PELI2: variants seen among roughly 807,000 people sequenced by gnomAD.
PELI2 encodes E3 ubiquitin-protein ligase pellino homolog 2.
PELI2 carries 23 observed loss-of-function variants against 42.3 expected under a neutral mutation model. The ratio of observed to expected loss-of-function variants is 0.54; its 90% CI spans 0.39 to 0.77. The LOEUF (loss-of-function observed/expected upper bound fraction) is 0.77. PELI2 is among the 30% of genes least tolerant of loss of function. The pLI, the probability that PELI2 is intolerant of heterozygous loss-of-function variation, is 0.00. For missense variants in PELI2, 463 were observed against 553.2 expected, an observed-to-expected ratio of 0.84 and a Z score of 1.64; for synonymous variants, 245 against 212.2, an observed-to-expected ratio of 1.15 and a Z score of -1.34.
intron 1 of PELI2, among the ~76,000 whole-genome samples, chr14:56,164,681 A>G (rs908455965): frequency 6.6e-6 from 1 of 151,952 alleles, no homozygotes; most frequent in African/African-American, 2.4e-5. Flanking sequence ...GCTTTTCTTT[A>G]CTGGGAGACT....
intron 2 of PELI2, among the ~76,000 whole-genome samples, chr14:56,274,554 G>A (rs532095124): frequency 2.6e-5 from 4 of 152,038 alleles, no homozygotes; most frequent in Admixed American, 6.5e-5. Flanking sequence ...GTGCCTTTAC[G>A]TGTGTATATG....
chr14:56,274,951 A>G (rs976949067), intron 2 of PELI2, among the ~76,000 whole-genome samples: 1 of 152,178 alleles, frequency 6.6e-6, no homozygotes, highest in African/African-American at 2.4e-5. Context: ...GACTCAAAAC[A>G]TTTGAGCTGA....
chr14:56,142,775 GA>G (rs60045907), intron 1 of PELI2, among the ~76,000 whole-genome samples: 11 of 151,598 alleles, frequency 7.3e-5, no homozygotes, highest in Admixed American at 1.3e-4. Context: ...TAAAAAAGAT[GA>G]AAAAAACTAC....
At chr14:56,168,814 C>A (rs1462826519) in intron 1 of PELI2, among the ~76,000 whole-genome samples, 1 of 152,112 alleles carries the variant, frequency 6.6e-6, no homozygotes, top group African/African-American at 2.4e-5. Context: ...TCACCAGAAG[C>A]CACCAAGGCC....
rs4038318 is a variant in PELI2 at position 56,197,969 on chromosome 14, G to GACACACACACACAC, written c.207+19536_207+19549dup. Among the ~76,000 whole-genome samples the GACACACACACACAC allele has an allele frequency of 3.1e-5, 4 of 129,702 alleles. No individual in the cohort carries two copies. Among genetic ancestry groups the GACACACACACACAC allele is most frequent in the African/African-American group, 1.3e-4 (4 of 31,802 alleles). 85.1% of individuals were successfully genotyped at this position (129,702 alleles called of 152,430 possible). A position where few individuals can be genotyped will look rare whatever the true frequency, so the allele number is the denominator to read the frequency against. On this transcript the variant is annotated intron_variant, in intron 2 of 5. Coordinates refer to ENST00000267460, the MANE Select transcript of PELI2 (RefSeq NM_021255.3). This position sits in a 1 kb window ranked among gnomAD's most constrained non-coding sequence, Gnocchi z 4.9. ...CACACCAGGGATCATGACTGGTGAA[G>GACACACACACACAC]ACACACACACACACACACACACACA...
intron 1 of PELI2, among the ~76,000 whole-genome samples, chr14:56,153,253 G>C (rs1884428250): frequency 6.6e-6 from 1 of 152,080 alleles, no homozygotes; most frequent in South Asian, 2.1e-4. Context: ...TTTGTTATTG[G>C]CTATAGCCAT....
chr14:56,149,670 C>A (rs1884264891), intron 1 of PELI2, among the ~76,000 whole-genome samples: 1 of 151,850 alleles, frequency 6.6e-6, no homozygotes, highest in Non-Finnish European at 1.5e-5. Flanking sequence ...TTAATTTTTA[C>A]CTGACCTTCA....
chr14:56,285,460 C>T lies in PELI2; in HGVS notation c.310-2977C>T, dbSNP rs192643828. ...ACATACAAGTGGAGATTGGGTGTGC[C>T]GGTCTGAAGCTCAGGGGAGAGATGA... On this transcript the variant is annotated intron_variant, in intron 3 of 5. Coordinates refer to ENST00000267460, the MANE Select transcript of PELI2 (RefSeq NM_021255.3). Among the ~76,000 whole-genome samples, 445 of 152,002 alleles carry T rather than the reference C, an allele frequency of 2.9e-3. 1 individual carries two copies. The highest frequency in any genetic ancestry group is 1.0e-2 in the African/African-American group (413 of 41,432).
intron 2 of PELI2, among the ~76,000 whole-genome samples, chr14:56,181,028 C>G (rs758029547): frequency 6.6e-6 from 1 of 152,196 alleles, no homozygotes; most frequent in Admixed American, 6.5e-5. Flanking sequence ...TCCCTGACTC[C>G]GTAGCATCTA....
chr14:56,274,725 G>A (rs1243163095), intron 2 of PELI2, among the ~76,000 whole-genome samples: 2 of 152,178 alleles, frequency 1.3e-5, no homozygotes, highest in South Asian at 2.1e-4. Context: ...TGGCAGAGCT[G>A]AGCCTGTGAC....
At chr14:56,181,727 A>G (rs532228992) in intron 2 of PELI2, among the ~76,000 whole-genome samples, 1 of 152,314 alleles carries the variant, frequency 6.6e-6, no homozygotes, top group African/African-American at 2.4e-5. Flanking sequence ...AGGCTAAGTC[A>G]AATGAGGATG....
intron 2 of PELI2, among the ~76,000 whole-genome samples, chr14:56,188,493 T>C (rs1885850103): frequency 1.3e-5 from 2 of 152,228 alleles, no homozygotes; most frequent in South Asian, 4.1e-4. Context: ...AAAATGACCA[T>C]TGAAAACTTG....
intron 2 of PELI2, among the ~76,000 whole-genome samples, chr14:56,210,903 C>T (rs3783663): frequency 0.4 from 61,295 of 152,008 alleles, 13,064 homozygotes; most frequent in South Asian, 0.53. Flanking sequence ...AGAGAATCCT[C>T]TTTTCTCTAA....
At chr14:56,227,484 A>G (rs1407637561) in intron 2 of PELI2, among the ~76,000 whole-genome samples, 1 of 152,190 alleles carries the variant, frequency 6.6e-6, no homozygotes, top group Non-Finnish European at 1.5e-5. Flanking sequence ...AAAGGAGAAA[A>G]CGAGAATGAA....
chr14:56,138,441 A>T (rs763866329), intron 1 of PELI2, among the ~76,000 whole-genome samples: 1 of 151,858 alleles, frequency 6.6e-6, no homozygotes, highest in Non-Finnish European at 1.5e-5. Context: ...TTTTAATCAA[A>T]GTACAGGTGA....
intron 2 of PELI2, among the ~76,000 whole-genome samples, chr14:56,260,273 A>C (rs1454972501): frequency 6.6e-6 from 1 of 152,168 alleles, no homozygotes; most frequent in African/African-American, 2.4e-5. Flanking sequence ...TATCCTTTAA[A>C]TGTCCATAGA....
At chr14:56,202,865 C>T (rs1162607368) in intron 2 of PELI2, among the ~76,000 whole-genome samples, 1 of 151,972 alleles carries the variant, frequency 6.6e-6, no homozygotes, top group East Asian at 1.9e-4. Context: ...CTGGTCTATT[C>T]AAAAATGTCT....
chr14:56,156,076 TTTATC>T (rs1201759393), intron 1 of PELI2, among the ~76,000 whole-genome samples: 1 of 152,240 alleles, frequency 6.6e-6, no homozygotes, highest in African/African-American at 2.4e-5. Flanking sequence ...CATCTACTGT[TTTATC>T]TTTAATTACG....
intron 3 of PELI2, among the ~76,000 whole-genome samples, chr14:56,285,380 G>A (rs1889610792): frequency 6.6e-6 from 1 of 152,194 alleles, no homozygotes; most frequent in Non-Finnish European, 1.5e-5. Flanking sequence ...AAGCCCCAGG[G>A]TGAAGGGGGA....
Sources: gnomAD v4.1 joint callset for allele counts (sites outside exome capture counted in the v4.1 genomes callset) on GRCh38, gnomAD v4.1.1 for gene constraint, Gnocchi (gnomAD v3.1) non-coding constraint, MANE v1.5 for transcripts, NCBI Gene and HGNC (gene_info 2026-07-23, HGNC 2026-07-21) for gene names.